The following BCL2L11 variants were observed in gnomAD, a reference collection of about 807,000 sequenced individuals.
BCL2L11 encodes the protein BCL2 like 11.
BCL2L11 carries 15 observed loss-of-function variants against 20.6 expected under a neutral mutation model. The observed-to-expected ratio is 0.73, with a 90% CI of 0.49 to 1.12. The LOEUF (loss-of-function observed/expected upper bound fraction) is 1.12, where lower values mean the gene tolerates loss of function less well. BCL2L11 is among the 50% of genes most tolerant of loss of function. The probability of loss-of-function intolerance (pLI) is 0.00; values close to 1 mark genes in which losing one functional copy is unlikely to be tolerated. For synonymous variants in BCL2L11, 108 were observed against 92.8 expected (o/e 1.16, Z -0.94); for missense variants, 292 against 260.9 (o/e 1.12, Z -0.82).
intron 2 of BCL2L11, among the ~76,000 whole-genome samples, chr2:111,142,723 G>GAT (rs1273169697): frequency 6.6e-6 from 1 of 152,224 alleles, no homozygotes; most frequent in East Asian, 1.9e-4. Flanking sequence ...TAGGAGAAAA[G>GAT]ATGTTAATCA....
chr2:111,164,031 G>A (rs2150609923), intron 3 of BCL2L11, 102 bp from the exon 4 acceptor site: 2 of 760,064 alleles, frequency 2.6e-6, no homozygotes, highest in South Asian at 1.5e-5. Context: ...TGCCTTTCAT[G>A]GTGATTAAGA....
At chr2:111,122,971 AGGC>A (rs1233996298) in intron 1 of BCL2L11, 1 of 984,948 alleles carries the variant, frequency 1.0e-6, no homozygotes, top group East Asian at 1.1e-4. Flanking sequence ...TGTGGGATGA[AGGC>A]GGCGCGGCGC....
intron 1 of BCL2L11, among the ~76,000 whole-genome samples, chr2:111,122,250 C>A (rs1417016797): frequency 2.0e-5 from 3 of 152,216 alleles, no homozygotes; most frequent in African/African-American, 7.2e-5. Context: ...GAGGACTGGG[C>A]CTGGGGATGG....
rs1379388429 is a variant in BCL2L11 at position 111,166,537 on chromosome 2, C to T, written c.*2306C>T. ...TGCCTCTGTGCAGAAAGTATGCCTC[C>T]CGTGGGTATACGTTTTTACCTTTTT... On this transcript the variant is annotated 3_prime_UTR_variant, in exon 4 of 4. Coordinates refer to ENST00000393256, the MANE Select transcript of BCL2L11 (RefSeq NM_138621.5). 2.0e-5 allele frequency: 3 copies of T among 152,642 alleles called. No homozygotes were observed. The highest frequency in any genetic ancestry group is 7.2e-5 in the African/African-American group (3 of 41,452). The allele number at this position is 152,642 out of a possible 1,614,324, so 9.5% of individuals were successfully genotyped here.
intron 2 of BCL2L11, among the ~76,000 whole-genome samples, chr2:111,139,683 C>T (rs887245037): frequency 6.6e-6 from 1 of 152,168 alleles, no homozygotes; most frequent in Non-Finnish European, 1.5e-5. Context: ...CGGAAGTAAA[C>T]CGTCAGTATA....
At chr2:111,122,396 A>G (rs1307958404) in intron 1 of BCL2L11, among the ~76,000 whole-genome samples, 1 of 152,156 alleles carries the variant, frequency 6.6e-6, no homozygotes, top group Non-Finnish European at 1.5e-5. Flanking sequence ...CCGGCCCTCA[A>G]ATCCTCCGAC....
intron 2 of BCL2L11, chr2:111,145,971 C>CTG (rs1423694013): frequency 2.3e-5 from 21 of 907,112 alleles, no homozygotes; most frequent in Non-Finnish European, 2.6e-5. Flanking sequence ...AAACATGGAT[C>CTG]TGCCTAGGAA....
At chr2:111,123,407 C>T (rs1172143127) in intron 1 of BCL2L11, 1 of 985,358 alleles carries the variant, frequency 1.0e-6, no homozygotes, top group Non-Finnish European at 1.2e-6. Flanking sequence ...TTCTGACTTA[C>T]TCGAAGAAGT....
chr2:111,153,170 G>A (rs111778101), intron 3 of BCL2L11, among the ~76,000 whole-genome samples: 5 of 152,110 alleles, frequency 3.3e-5, no homozygotes, highest in Admixed American at 6.5e-5. Flanking sequence ...CAGAGGTCAC[G>A]AGTTTAAGAC....
At chr2:111,138,002 T>C (rs115130151) in intron 2 of BCL2L11, among the ~76,000 whole-genome samples, 1 of 141,266 alleles carries the variant, frequency 7.1e-6, no homozygotes, top group East Asian at 2.1e-4. Flanking sequence ...TTTTCTTTCT[T>C]TCTTTCTTTC....
chr2:111,153,983 C>T (rs752720308), intron 3 of BCL2L11: 23 of 1,375,002 alleles, frequency 1.7e-5, no homozygotes, highest in Admixed American at 6.5e-5. Flanking sequence ...CCGGGCTGAA[C>T]GGCCTGGCCC....
chr2:111,157,387 G>C (rs905455349), intron 3 of BCL2L11, among the ~76,000 whole-genome samples: 1 of 152,232 alleles, frequency 6.6e-6, no homozygotes, highest in Non-Finnish European at 1.5e-5. Flanking sequence ...AAAGTGGAGA[G>C]GTTTTAGTTG....
chr2:111,122,731 G>C, intron 1 of BCL2L11: 3 of 983,590 alleles, frequency 3.1e-6, no homozygotes, highest in Non-Finnish European at 3.6e-6. Flanking sequence ...CCGGCGGAGC[G>C]CGGCGGCGGG....
intron 3 of BCL2L11, chr2:111,151,952 C>G: frequency 7.3e-7 from 1 of 1,379,206 alleles, no homozygotes; most frequent in Non-Finnish European, 1.0e-6. Context: ...ACCATTCCCT[C>G]CAGTTCCTCT....
At chr2:111,149,976 AT>A in intron 2 of BCL2L11, 67 bp from the exon 3 acceptor site, 1 of 1,422,252 alleles carries the variant, frequency 7.0e-7, no homozygotes, top group Non-Finnish European at 9.7e-7. Context: ...CTAGAGACTT[AT>A]CTTTGGAACT....
rs753302402 is a variant in BCL2L11 at position 111,124,108 on chromosome 2, C to T, written c.363C>T (p.Cys121=). ...CAACACAAACCCCAAGTCCTCCTTG[C>T]CAGGCCTTCAACCACTATCTCAGTG... ...DKSTQTPSPP[C]QAFNHYLSAM... Residue 121 remains cysteine (C), a synonymous_variant, in exon 2 of 4, where the codon TGC becomes TGT. Coordinates refer to ENST00000393256, the MANE Select transcript of BCL2L11 (RefSeq NM_138621.5). The T allele has an allele frequency of 1.9e-6, 3 of 1,612,720 alleles. No homozygotes were observed. In the African/African-American group the frequency reaches 4.0e-5, roughly 22 times the overall value.
chr2:111,136,233 G>A (rs989436858), intron 2 of BCL2L11, among the ~76,000 whole-genome samples: 1 of 152,216 alleles, frequency 6.6e-6, no homozygotes, highest in Non-Finnish European at 1.5e-5. Context: ...GAAAGGCCCA[G>A]TTGGAGGTTT....
At chr2:111,152,543 G>T (rs545615021) in intron 3 of BCL2L11, among the ~76,000 whole-genome samples, 4 of 152,238 alleles carry the variant, frequency 2.6e-5, no homozygotes, top group African/African-American at 9.6e-5. Context: ...CTCCATGGCT[G>T]CCATGAGTGG....
chr2:111,125,951 A>G (rs1320530768), intron 2 of BCL2L11, among the ~76,000 whole-genome samples: 1 of 152,148 alleles, frequency 6.6e-6, no homozygotes, highest in Non-Finnish European at 1.5e-5. Flanking sequence ...TTGCTTACTA[A>G]ATGAGTTAAC....
Sources: gnomAD v4.1 joint callset for allele counts (sites outside exome capture counted in the v4.1 genomes callset) on GRCh38, gnomAD v4.1.1 for gene constraint, MANE v1.5 for transcripts, NCBI Gene and HGNC (gene_info 2026-07-23, HGNC 2026-07-21) for gene names.